IL1RAP: variants seen among roughly 807,000 people sequenced by gnomAD.
IL1RAP encodes the protein interleukin-1 receptor accessory protein.
IL1RAP carries 35 observed loss-of-function variants against 60.7 expected under a neutral mutation model. The ratio of observed to expected loss-of-function variants is 0.58; its 90% CI spans 0.44 to 0.76. The LOEUF (loss-of-function observed/expected upper bound fraction) is 0.76. Ranked by LOEUF, IL1RAP falls within the 30% of genes least tolerant of loss-of-function variation. The probability of loss-of-function intolerance (pLI) is 0.00; values close to 1 mark genes in which losing one functional copy is unlikely to be tolerated. For synonymous variants in IL1RAP, 268 were observed against 250.9 expected, an observed-to-expected ratio of 1.07 and a Z score of -0.64; for missense variants, 572 against 693.9, an observed-to-expected ratio of 0.82 and a Z score of 1.97.
chr3:190,596,393 A>G (rs1560199436), intron 3 of IL1RAP, among the ~76,000 whole-genome samples: 1 of 152,198 alleles, frequency 6.6e-6, no homozygotes, highest in Non-Finnish European at 1.5e-5. Context: ...AAGTAAGTCA[A>G]TTAATCTCTC....
At chr3:190,641,097 C>T (rs1231094135) in intron 9 of IL1RAP, among the ~76,000 whole-genome samples, 1 of 152,208 alleles carries the variant, frequency 6.6e-6, no homozygotes, top group Non-Finnish European at 1.5e-5. Flanking sequence ...TCCCGAGTAG[C>T]TGGGATTACA....
rs41347444 is a variant in IL1RAP, at chr3:190,564,398, G to A, written c.64+45G>A. The A allele has an allele frequency of 1.5e-3, 1,837 of 1,222,274 alleles. 48 individuals carry two copies. The East Asian group carries it at 0.039, about 26-fold the overall frequency. The allele number at this position is 1,222,274 out of a possible 1,614,324, so 75.7% of individuals were successfully genotyped here. ...CAATGTATTAAAATGCAAGTCATGC[G>A]TAGGGTAATGAGTCCACTCTTCCTG... On this transcript the variant is annotated intron_variant, in intron 3 of 11. Coordinates refer to ENST00000447382, the MANE Select transcript of IL1RAP (RefSeq NM_002182.4).
chr3:190,630,517 G>A (rs1732694839), intron 9 of IL1RAP, among the ~76,000 whole-genome samples: 1 of 152,156 alleles, frequency 6.6e-6, no homozygotes, highest in Non-Finnish European at 1.5e-5. Context: ...GAGACTTAAT[G>A]CTTTTTTAAA....
chr3:190,588,225 T>C (rs1400046586), intron 3 of IL1RAP, among the ~76,000 whole-genome samples: 4 of 152,250 alleles, frequency 2.6e-5, no homozygotes, highest in Non-Finnish European at 4.4e-5. Context: ...GCGATTCTCC[T>C]GCCTCAGCCT....
At chr3:190,559,459 G>A (rs140957074) in intron 2 of IL1RAP, among the ~76,000 whole-genome samples, 20 of 152,172 alleles carry the variant, frequency 1.3e-4, no homozygotes, top group African/African-American at 4.6e-4. Context: ...TTCTTAAAGT[G>A]GAAGATTAGA....
Position 190,650,286 on chromosome 3 carries a change from T to G in IL1RAP, c.*1581T>G. On this transcript the variant is annotated 3_prime_UTR_variant, in exon 12 of 12. Coordinates refer to ENST00000447382, the MANE Select transcript of IL1RAP (RefSeq NM_002182.4). ...CCTTCCCTAAGTTTATATAAATAAC[T>G]TAAGTATTGCTACAGTTTATCTAGG... The G allele has an allele frequency of 1.0e-6, 1 of 985,282 alleles. No individual in the cohort carries two copies. Among genetic ancestry groups the G allele is most frequent in the Non-Finnish European group, 1.2e-6 (1 of 829,790 alleles). 61.0% of individuals were successfully genotyped at this position (985,282 alleles called of 1,614,324 possible).
chr3:190,648,717 A>G lies in IL1RAP; in HGVS notation c.*12A>G. ...TGAAAAATGTATGAAAGGAATAATG[A>G]AAAGGGTAAAAAGAACAAGGGGTGC... On this transcript the variant is annotated 3_prime_UTR_variant, in exon 12 of 12. Coordinates refer to ENST00000447382, the MANE Select transcript of IL1RAP (RefSeq NM_002182.4). 6.3e-7 allele frequency: 1 copy of G among 1,592,504 alleles called. No individual in the cohort carries two copies. Among genetic ancestry groups the G allele is most frequent in the Non-Finnish European group, 8.5e-7 (1 of 1,170,632 alleles).
chr3:190,526,906 C>G (rs1281351431), intron 1 of IL1RAP, among the ~76,000 whole-genome samples: 1 of 152,224 alleles, frequency 6.6e-6, no homozygotes, highest in Admixed American at 6.5e-5. Flanking sequence ...CTGCCCTCAG[C>G]AGGGCATGCA....
At chr3:190,573,173 T>C (rs891924279) in intron 3 of IL1RAP, among the ~76,000 whole-genome samples, 1 of 152,096 alleles carries the variant, frequency 6.6e-6, no homozygotes, top group African/African-American at 2.4e-5. Flanking sequence ...AGGATACTTT[T>C]ATTCTGAAAA....
At chr3:190,614,401 A>G (rs540575287) in intron 5 of IL1RAP, among the ~76,000 whole-genome samples, 2 of 152,124 alleles carry the variant, frequency 1.3e-5, no homozygotes, top group South Asian at 4.2e-4. Context: ...TGTGTGCTTT[A>G]TGTTCATATG....
At chr3:190,564,402 G>A (rs1204072108) in intron 3 of IL1RAP, 49 bp downstream of exon 3, 1 of 1,172,420 alleles carries the variant, frequency 8.5e-7, no homozygotes, top group Non-Finnish European at 1.3e-6. Flanking sequence ...TCATGCGTAG[G>A]GTAATGAGTC....
At chr3:190,566,365 G>T (rs1726399520) in intron 3 of IL1RAP, among the ~76,000 whole-genome samples, 1 of 152,118 alleles carries the variant, frequency 6.6e-6, no homozygotes, top group African/African-American at 2.4e-5. Context: ...AGAGGGACAG[G>T]TGACTGTGTT....
chr3:190,577,443 G>A (rs1260087300), intron 3 of IL1RAP, among the ~76,000 whole-genome samples: 4 of 152,168 alleles, frequency 2.6e-5, no homozygotes, highest in Admixed American at 2.0e-4. Flanking sequence ...TTGGTAAACC[G>A]ATGCTAGAAA....
intron 1 of IL1RAP, among the ~76,000 whole-genome samples, chr3:190,553,783 G>T (rs1175255497): frequency 6.6e-6 from 1 of 152,126 alleles, no homozygotes; most frequent in African/African-American, 2.4e-5. Flanking sequence ...GGGAAAGGCC[G>T]GGCGCGGTGG....
intron 3 of IL1RAP, among the ~76,000 whole-genome samples, chr3:190,603,084 T>C (rs1435791500): frequency 1.3e-5 from 2 of 152,092 alleles, no homozygotes; most frequent in Non-Finnish European, 2.9e-5. Context: ...AAAGAATAAA[T>C]TATAGAAGCC....
At chr3:190,585,346 C>T (rs780405320) in intron 3 of IL1RAP, among the ~76,000 whole-genome samples, 3 of 152,186 alleles carry the variant, frequency 2.0e-5, no homozygotes, top group African/African-American at 4.8e-5. Flanking sequence ...CCCACCCCCT[C>T]AGCCCGTTTG....
intron 1 of IL1RAP, among the ~76,000 whole-genome samples, chr3:190,546,388 C>A (rs1724373327): frequency 6.6e-6 from 1 of 152,156 alleles, no homozygotes; most frequent in African/African-American, 2.4e-5. Context: ...TCAGTCTAAA[C>A]CCCTTTTCTC....
At chr3:190,546,088 G>GTACATCCTTGAAA (rs1485965669) in intron 1 of IL1RAP, among the ~76,000 whole-genome samples, 43 of 152,266 alleles carry the variant, frequency 2.8e-4, no homozygotes, top group African/African-American at 1.0e-3. Flanking sequence ...TGCATGCAGT[G>GTACATCCTTGAAA]TACATCCTTG....
rs1734359079 is a variant in IL1RAP, at chr3:190,650,988, T to C, written c.*2283T>C. 2.0e-6 allele frequency: 2 copies of C among 985,350 alleles called. No homozygotes were observed. The highest frequency in any genetic ancestry group is 3.5e-5 in the African/African-American group (2 of 57,358). The allele number at this position is 985,350 out of a possible 1,614,324, so 61.0% of individuals were successfully genotyped here. On this transcript the variant is annotated 3_prime_UTR_variant, in exon 12 of 12. Coordinates refer to ENST00000447382, the MANE Select transcript of IL1RAP (RefSeq NM_002182.4). ...TTTTTTCTATTTATATGCCTGCCTT[T>C]GGTACTTAATTTTACAAATGCTGTA...
Sources: gnomAD v4.1 joint callset for allele counts (sites outside exome capture counted in the v4.1 genomes callset) on GRCh38, gnomAD v4.1.1 for gene constraint, MANE v1.5 for transcripts, NCBI Gene and HGNC (gene_info 2026-07-23, HGNC 2026-07-21) for gene names.